The following LRP1B variants were observed in gnomAD, a reference collection of about 807,000 sequenced individuals.
LRP1B encodes the protein low-density lipoprotein receptor-related protein 1B.
A neutral mutation model predicts 556.6 loss-of-function variants in LRP1B; 217 were observed. The ratio of observed to expected loss-of-function variants is 0.39; its 90% confidence interval spans 0.35 to 0.44. LRP1B has a LOEUF of 0.44. LRP1B is among the 20% of genes least tolerant of loss of function. The pLI is 1.00. For synonymous variants in LRP1B, 2,047 were observed against 1,865.8 expected, an observed-to-expected ratio of 1.10 and a Z score of -2.50; for missense variants, 5,053 against 5,620.8, an observed-to-expected ratio of 0.90 and a Z score of 3.23.
At chr2:141,208,785 C>A (rs1037783177) in intron 6 of LRP1B, among the ~76,000 whole-genome samples, 3 of 144,512 alleles carry the variant, frequency 2.1e-5, no homozygotes, top group Admixed American at 1.4e-4. Context: ...AGGAGCATGG[C>A]GTGAACCTGG....
chr2:142,099,189 C>G (rs1706486100), intron 1 of LRP1B, among the ~76,000 whole-genome samples: 1 of 151,824 alleles, frequency 6.6e-6, no homozygotes, highest in Admixed American at 6.6e-5. Flanking sequence ...TATTCAACAG[C>G]AATGCATGTG....
chr2:140,423,490 T>A (rs73964219), intron 66 of LRP1B, among the ~76,000 whole-genome samples: 5,570 of 152,212 alleles, frequency 0.037, 305 homozygotes, highest in African/African-American at 0.13. Context: ...GAATGGAGGT[T>A]CTCTTATAAG....
intron 31 of LRP1B, among the ~76,000 whole-genome samples, chr2:140,824,043 A>G (rs1261343819): frequency 6.6e-6 from 1 of 151,962 alleles, no homozygotes; most frequent in African/African-American, 2.4e-5. Flanking sequence ...CCTCAATGAC[A>G]TGAGTTTACC....
chr2:141,742,135 T>C (rs1048539046), intron 2 of LRP1B, among the ~76,000 whole-genome samples: 2 of 152,194 alleles, frequency 1.3e-5, no homozygotes, highest in African/African-American at 4.8e-5. Flanking sequence ...TTCTATATTC[T>C]GTTCCACTGG....
chr2:141,601,643 C>CTTCCTTCCTTCCT (rs771063608), intron 2 of LRP1B, among the ~76,000 whole-genome samples: 5 of 130,256 alleles, frequency 3.8e-5, no homozygotes, highest in African/African-American at 1.1e-4. Flanking sequence ...TCCTTCCTTC[C>CTTCCTTCCTTCCT]TTTTTTTTTC....
chr2:141,076,128 T>G (rs1015377932), intron 7 of LRP1B, among the ~76,000 whole-genome samples: 2 of 152,174 alleles, frequency 1.3e-5, no homozygotes, highest in Non-Finnish European at 2.9e-5. Flanking sequence ...TTATCTAAAT[T>G]TGTTGGTTTA....
intron 37 of LRP1B, among the ~76,000 whole-genome samples, chr2:140,707,876 A>G (rs1170818370): frequency 6.6e-6 from 1 of 152,128 alleles, no homozygotes; most frequent in Admixed American, 6.6e-5. Context: ...ACCCTGTGCT[A>G]AAAGGATGAA....
At chr2:141,122,023 T>C (rs1701065292) in intron 7 of LRP1B, among the ~76,000 whole-genome samples, 1 of 152,154 alleles carries the variant, frequency 6.6e-6, no homozygotes, top group East Asian at 1.9e-4. Flanking sequence ...ATTTAATAAA[T>C]GGTCTGGGAA....
intron 2 of LRP1B, among the ~76,000 whole-genome samples, chr2:141,517,034 T>TAAC (rs1684345483): frequency 1.4e-5 from 1 of 70,426 alleles, no homozygotes; most frequent in Admixed American, 1.6e-4. Context: ...AAAAAAAAAG[T>TAAC]AAATCAATGA....
intron 3 of LRP1B, among the ~76,000 whole-genome samples, chr2:141,464,743 C>T (rs1200666032): frequency 2.0e-5 from 3 of 151,556 alleles, no homozygotes; most frequent in South Asian, 2.1e-4. Context: ...TTTGCTGTGA[C>T]TTTTTATTAA....
At position 142,115,652 on chromosome 2, in the gene LRP1B, TTATATGTAATA is replaced by T. The variant is rs1425808794; in HGVS notation, c.82+14985_82+14995del. On this transcript the variant is annotated intron_variant, in intron 1 of 90. Transcript: ENST00000389484. Reference sequence around the variant, plus strand: ...ATATATTATATATGTAATATATATATTATATGTAATATATATATGTAATATATATATAATAT... The same window carrying T: ...ATATATTATATATGTAATATATATATTATATATGTAATATATATATAATAT... 3.2e-4 allele frequency among the ~76,000 whole-genome samples: 2 copies of T among 6,268 alleles called. 1 individual carries two copies. The highest frequency in any genetic ancestry group is 7.0e-4 in the African/African-American group (2 of 2,848). 4.1% of individuals were successfully genotyped at this position (6,268 alleles called of 152,430 possible).
rs367886655 is a variant in LRP1B, at chr2:141,640,248, A to G, written c.206-159715T>C. Reference sequence around the variant, plus strand: ...ACTCGTAAAACTATCAAGTGTTGCAAATTCCTAGATCTTGCACTAAAATGA... The same window carrying G: ...ACTCGTAAAACTATCAAGTGTTGCAGATTCCTAGATCTTGCACTAAAATGA... On this transcript the variant is annotated intron_variant, in intron 2 of 90. Coordinates refer to ENST00000389484, the MANE Select transcript of LRP1B (RefSeq NM_018557.3). 4.6e-5 allele frequency among the ~76,000 whole-genome samples: 7 copies of G among 152,272 alleles called. 1 individual carries two copies. In the East Asian group the frequency reaches 9.7e-4, roughly 21 times the overall value.
At chr2:141,928,984 T>A (rs1700413500) in intron 1 of LRP1B, among the ~76,000 whole-genome samples, 1 of 152,090 alleles carries the variant, frequency 6.6e-6, no homozygotes, top group Non-Finnish European at 1.5e-5. Flanking sequence ...GAGAGCATAT[T>A]CCTGTTGAGA....
At chr2:140,278,000 CTA>C (rs71900219) in intron 84 of LRP1B, among the ~76,000 whole-genome samples, 3,722 of 149,946 alleles carry the variant, frequency 0.025, 156 homozygotes, top group African/African-American at 0.085. Flanking sequence ...AATGGATAAA[CTA>C]TGTTTCATTT....
chr2:140,556,463 A>G (rs2105065001), intron 43 of LRP1B, among the ~76,000 whole-genome samples: 1 of 152,214 alleles, frequency 6.6e-6, no homozygotes, highest in South Asian at 2.1e-4. Flanking sequence ...CTCCCATCAT[A>G]TTACCCCACA....
intron 3 of LRP1B, among the ~76,000 whole-genome samples, chr2:141,344,729 C>T (rs1195216580): frequency 2.0e-5 from 3 of 152,066 alleles, no homozygotes; most frequent in African/African-American, 7.2e-5. Flanking sequence ...TTCATAGTGT[C>T]TTCAATGTGA....
chr2:140,794,006 C>A (rs1271303008), intron 32 of LRP1B, among the ~76,000 whole-genome samples: 1 of 151,966 alleles, frequency 6.6e-6, no homozygotes, highest in Non-Finnish European at 1.5e-5. Context: ...TCATTGAACC[C>A]TTATGCTTAT....
intron 1 of LRP1B, among the ~76,000 whole-genome samples, chr2:142,053,958 A>G (rs1354236483): frequency 1.3e-5 from 2 of 152,112 alleles, no homozygotes; most frequent in African/African-American, 4.8e-5. Flanking sequence ...GGGAAGGGAA[A>G]CCCAAGGAAA....
chr2:140,526,999 A>G (rs550994742), intron 47 of LRP1B, among the ~76,000 whole-genome samples: 60 of 151,444 alleles, frequency 4.0e-4, no homozygotes, highest in African/African-American at 1.3e-3. Context: ...CATCATTAAT[A>G]TTTAATATAA....
Sources: gnomAD v4.1 joint callset for allele counts (sites outside exome capture counted in the v4.1 genomes callset) on GRCh38, gnomAD v4.1.1 for gene constraint, MANE v1.5 for transcripts, NCBI Gene and HGNC (gene_info 2026-07-23, HGNC 2026-07-21) for gene names.